Variants in FAM184A observed in about 807,000 individuals in gnomAD.
The protein encoded by FAM184A is protein FAM184A.
FAM184A carries 99 observed loss-of-function variants against 143.8 expected under a neutral mutation model. The observed-to-expected ratio is 0.69, with a 90% CI of 0.58 to 0.81. The LOEUF (loss-of-function observed/expected upper bound fraction) is 0.81. Among genes scored for constraint, FAM184A ranks in the 40% least tolerant of loss-of-function variants. The pLI, the probability that FAM184A is intolerant of heterozygous loss-of-function variation, is 0.00. For missense variants in FAM184A, 1,217 were observed against 1,310.5 expected (o/e 0.93, Z 1.10); for synonymous variants, 427 against 446.4 (o/e 0.96, Z 0.55).
intron 9 of FAM184A, among the ~76,000 whole-genome samples, chr6:118,983,366 C>T (rs2114589615): frequency 6.6e-6 from 1 of 152,102 alleles, no homozygotes; most frequent in African/African-American, 2.4e-5. Flanking sequence ...TAATGTAAAA[C>T]TTTAACTCAA....
chr6:118,977,473 AG>A (rs1783881215), intron 11 of FAM184A, among the ~76,000 whole-genome samples: 1 of 152,132 alleles, frequency 6.6e-6, no homozygotes, highest in Admixed American at 6.5e-5. Flanking sequence ...CCAGCTACTT[AG>A]GAGGCTGAGG....
intron 14 of FAM184A, among the ~76,000 whole-genome samples, chr6:118,967,318 GCTCA>G (rs1406716069): frequency 6.6e-6 from 1 of 152,120 alleles, no homozygotes; most frequent in Non-Finnish European, 1.5e-5. Context: ...AGAAAGGCAG[GCTCA>G]CTATTACAAG....
intron 1 of FAM184A, among the ~76,000 whole-genome samples, chr6:119,129,074 G>C (rs527495302): frequency 1.3e-5 from 2 of 152,248 alleles, no homozygotes; most frequent in African/African-American, 4.8e-5. Flanking sequence ...TCAACCAATT[G>C]CCAATCAGGA....
rs1210585191 is a variant in FAM184A, at chr6:118,967,025, A to G, written c.2916-73T>C. 4.2e-6 allele frequency: 3 copies of G among 713,036 alleles called. No homozygotes were observed. The African/African-American group carries it at 5.5e-5, about 13-fold the overall frequency. 44.2% of individuals were successfully genotyped at this position (713,036 alleles called of 1,614,324 possible). A position where few individuals can be genotyped will look rare whatever the true frequency, so the allele number is the denominator to read the frequency against. On this transcript the variant is annotated intron_variant, in intron 14 of 17. Transcript: ENST00000338891. ...CTTCTGTAATACCTACATTAAAAAA[A>G]TTAGTCTAGTTGAACACACACAAAA...
chr6:119,052,854 C>T (rs1369408126), intron 1 of FAM184A, among the ~76,000 whole-genome samples: 2 of 152,134 alleles, frequency 1.3e-5, no homozygotes, highest in African/African-American at 2.4e-5. Context: ...AAGGAAGGTA[C>T]CCCAATATAA....
chr6:119,139,225 A>G (rs1199421886), intron 1 of FAM184A, among the ~76,000 whole-genome samples: 1 of 152,224 alleles, frequency 6.6e-6, no homozygotes, highest in East Asian at 1.9e-4. Flanking sequence ...CACAGGGACA[A>G]CCAAAGCTAA....
chr6:119,132,979 CAGAT>C, intron 1 of FAM184A, among the ~76,000 whole-genome samples: 1 of 152,306 alleles, frequency 6.6e-6, no homozygotes, highest in East Asian at 1.9e-4. Context: ...AGAGCGAAAT[CAGAT>C]AGGATTTGTT....
intron 1 of FAM184A, among the ~76,000 whole-genome samples, chr6:119,139,278 C>T (rs1394590582): frequency 6.6e-6 from 1 of 152,134 alleles, no homozygotes; most frequent in Non-Finnish European, 1.5e-5. Flanking sequence ...CAAAAGAAGC[C>T]CAGAGAGCTT....
At chr6:119,061,531 CTTTTTTTT>C (rs977029986) in intron 1 of FAM184A, among the ~76,000 whole-genome samples, 28 of 58,550 alleles carry the variant, frequency 4.8e-4, no homozygotes, top group Admixed American at 8.2e-4. Flanking sequence ...AATTATTTTT[CTTTTTTTT>C]TTTTTTTTTT....
intron 5 of FAM184A, among the ~76,000 whole-genome samples, chr6:119,012,621 G>A (rs899884247): frequency 2.6e-5 from 4 of 152,122 alleles, no homozygotes; most frequent in Admixed American, 1.3e-4. Context: ...GTTTTTTATC[G>A]GCAACTGATC....
intron 1 of FAM184A, among the ~76,000 whole-genome samples, chr6:119,044,758 G>A (rs1033613942): frequency 6.6e-5 from 10 of 152,098 alleles, no homozygotes; most frequent in South Asian, 2.1e-4. Context: ...GTTTGTAAAC[G>A]TGAAGAAAAG....
At chr6:119,145,591 C>T (rs528046533) in intron 1 of FAM184A, among the ~76,000 whole-genome samples, 1 of 152,252 alleles carries the variant, frequency 6.6e-6, no homozygotes, top group South Asian at 2.1e-4. Flanking sequence ...ATGAAAGGCC[C>T]TTTGGCTTGG....
intron 1 of FAM184A, among the ~76,000 whole-genome samples, chr6:119,138,113 G>A (rs1460902226): frequency 6.6e-6 from 1 of 152,178 alleles, no homozygotes; most frequent in East Asian, 1.9e-4. Context: ...AGAAGTCAGT[G>A]ATACATACTA....
chr6:119,059,160 T>TG (rs1787125116), intron 1 of FAM184A, among the ~76,000 whole-genome samples: 1 of 151,808 alleles, frequency 6.6e-6, no homozygotes, highest in Admixed American at 6.6e-5. Context: ...TAATTTTTTG[T>TG]AGAGATGAGG....
chr6:119,093,431 A>T (rs549053205), intron 1 of FAM184A, among the ~76,000 whole-genome samples: 1 of 152,302 alleles, frequency 6.6e-6, no homozygotes, highest in South Asian at 2.1e-4. Flanking sequence ...ATTCAGCCTT[A>T]TATCTCACTT....
chr6:119,033,814 A>G (rs1785984826), intron 1 of FAM184A, among the ~76,000 whole-genome samples: 3 of 150,742 alleles, frequency 2.0e-5, no homozygotes, highest in Admixed American at 1.3e-4. Context: ...CAACATGGCA[A>G]AACCCCATCT....
chr6:119,120,176 C>T (rs979620600), intron 1 of FAM184A, among the ~76,000 whole-genome samples: 4 of 152,220 alleles, frequency 2.6e-5, no homozygotes, highest in Non-Finnish European at 4.4e-5. Context: ...ACTCATAATC[C>T]GCTTGTTCTT....
At chr6:119,067,776 C>G (rs1787512690) in intron 1 of FAM184A, among the ~76,000 whole-genome samples, 1 of 152,090 alleles carries the variant, frequency 6.6e-6, no homozygotes, top group African/African-American at 2.4e-5. Flanking sequence ...TACTTGACAG[C>G]TATGGTCCCC....
intron 1 of FAM184A, among the ~76,000 whole-genome samples, chr6:119,068,267 G>A (rs1316719329): frequency 4.6e-5 from 7 of 151,906 alleles, no homozygotes; most frequent in East Asian, 3.9e-4. Context: ...GGCTGGTCTC[G>A]AACTCCTGAC....
Sources: gnomAD v4.1 joint callset for allele counts (sites outside exome capture counted in the v4.1 genomes callset) on GRCh38, gnomAD v4.1.1 for gene constraint, MANE v1.5 for transcripts, NCBI Gene and HGNC (gene_info 2026-07-23, HGNC 2026-07-21) for gene names.